ADAMTS16: variants seen among roughly 807,000 people sequenced by gnomAD.
ADAMTS16 encodes the protein ADAM metallopeptidase with thrombospondin type 1 motif 16, also known as A disintegrin and metalloproteinase with thrombospondin motifs 16.
Under a neutral mutation model 145.8 loss-of-function variants are expected in ADAMTS16, and 94 were observed. The observed-to-expected ratio is 0.64, with a 90% CI of 0.55 to 0.77. ADAMTS16 has a LOEUF of 0.77. ADAMTS16 is among the 30% of genes least tolerant of loss of function. ADAMTS16 has a pLI of 0.00. For synonymous variants in ADAMTS16, 659 were observed against 604.3 expected (o/e 1.09, Z -1.33); for missense variants, 1,585 against 1,591.5 (o/e 1.00, Z 0.07).
intron 18 of ADAMTS16, among the ~76,000 whole-genome samples, chr5:5,298,486 T>A (rs1048037547): frequency 1.5e-4 from 10 of 67,502 alleles, no homozygotes; most frequent in Non-Finnish European, 3.4e-4. Context: ...CCGAGGAGGA[T>A]GGCAAGTAAT....
At chr5:5,231,941 T>C (rs1028336867) in intron 11 of ADAMTS16, among the ~76,000 whole-genome samples, 1 of 152,078 alleles carries the variant, frequency 6.6e-6, no homozygotes, top group Non-Finnish European at 1.5e-5. Context: ...TGTTGAGCCA[T>C]GTGGAGCCTC....
At chr5:5,225,566 C>T (rs180796538) in intron 11 of ADAMTS16, among the ~76,000 whole-genome samples, 342 of 149,882 alleles carry the variant, frequency 2.3e-3, no homozygotes, top group African/African-American at 8.2e-3. Flanking sequence ...CATGCCACTG[C>T]AATCCAGCCT....
rs904855760 is a variant in ADAMTS16 at position 5,310,780 on chromosome 5, T to C, written c.3411+4052T>C. ...GCGTCCTAAACTGTGAAAGAATAAATTTCTGTTATTTTGAGCCCCTAGTTT... is the reference window on the plus strand; with the variant it reads ...GCGTCCTAAACTGTGAAAGAATAAACTTCTGTTATTTTGAGCCCCTAGTTT... On this transcript the variant is annotated intron_variant, in intron 21 of 22. Transcript: ENST00000274181. The surrounding 1 kb of genome is among the most constrained non-coding windows in gnomAD (Gnocchi z 4.3). Among the ~76,000 whole-genome samples the C allele has an allele frequency of 6.6e-6, 1 of 152,184 alleles. No individual in the cohort carries two copies. The highest frequency in any genetic ancestry group is 2.4e-5 in the African/African-American group (1 of 41,444).
At chr5:5,315,124 T>C (rs755990740) in intron 21 of ADAMTS16, among the ~76,000 whole-genome samples, 20 of 152,122 alleles carry the variant, frequency 1.3e-4, no homozygotes, top group Non-Finnish European at 2.5e-4. Flanking sequence ...AGCAAACACG[T>C]CCTTCTTCAC....
intron 20 of ADAMTS16, among the ~76,000 whole-genome samples, chr5:5,305,502 ACACACATCCCATACCACACACT>A (rs1261792040): frequency 6.8e-6 from 1 of 147,502 alleles, no homozygotes; most frequent in African/African-American, 2.5e-5. Flanking sequence ...CCCACACCAC[ACACACATCCCATACCACACACT>A]CACACATCCC....
chr5:5,196,068 A>G (rs1338061516), intron 8 of ADAMTS16, among the ~76,000 whole-genome samples: 1 of 152,014 alleles, frequency 6.6e-6, no homozygotes, highest in African/African-American at 2.4e-5. Flanking sequence ...TCTACTAAAA[A>G]TACAAAAATT....
rs150561272 is a variant in ADAMTS16 at position 5,317,065 on chromosome 5, G to A, written c.3412-1069G>A. ...CCTCAAATGGTCTGGGTGGAGGGGC[G>A]GTGCTTTCAAATGCAGAGGCAAGAG... On this transcript the variant is annotated intron_variant, in intron 21 of 22. Transcript: ENST00000274181. The surrounding 1 kb of genome is among the most constrained non-coding windows in gnomAD (Gnocchi z 4.5). Among the ~76,000 whole-genome samples the A allele has an allele frequency of 2.6e-5, 4 of 152,236 alleles. No homozygotes were observed. Among genetic ancestry groups the A allele is most frequent in the African/African-American group, 7.2e-5 (3 of 41,528 alleles).
At chr5:5,242,760 C>T (rs527815567) in intron 17 of ADAMTS16, among the ~76,000 whole-genome samples, 3 of 152,182 alleles carry the variant, frequency 2.0e-5, no homozygotes, top group Admixed American at 6.5e-5. Flanking sequence ...ATACTGTAAA[C>T]AATGGAAGCT....
chr5:5,268,116 A>G (rs1231429033), intron 18 of ADAMTS16, among the ~76,000 whole-genome samples: 1 of 152,160 alleles, frequency 6.6e-6, no homozygotes, highest in Non-Finnish European at 1.5e-5. Flanking sequence ...TCCCAAGATT[A>G]TAAGCTCTGT....
At chr5:5,177,171 C>T (rs1560935397) in intron 3 of ADAMTS16, among the ~76,000 whole-genome samples, 1 of 152,196 alleles carries the variant, frequency 6.6e-6, no homozygotes, top group Non-Finnish European at 1.5e-5. Context: ...GGACTGAGTC[C>T]TTTCTGATGG....
rs865907480 is a variant in ADAMTS16 at position 5,157,783 on chromosome 5, C to A, written c.501+11328C>A. Among the ~76,000 whole-genome samples the A allele has an allele frequency of 2.0e-5, 3 of 152,248 alleles. No individual in the cohort carries two copies. In the Middle Eastern group the frequency reaches 0.01, roughly 518 times the overall value. On this transcript the variant is annotated intron_variant, in intron 3 of 22. Transcript: ENST00000274181. ...AGAGCTTTTCCTTCAATGTGTTAAA[C>A]CCCTCTTTACGTCCACAGTTGTTGA...
chr5:5,235,315 T>A (rs1217816010), intron 13 of ADAMTS16, 129 bp downstream of exon 13: 1 of 1,012,250 alleles, frequency 9.9e-7, no homozygotes, highest in African/African-American at 1.6e-5. Context: ...GGTCGCATAT[T>A]CTCTTCTGGA....
intron 18 of ADAMTS16, among the ~76,000 whole-genome samples, chr5:5,280,068 T>A (rs1461636246): frequency 6.6e-6 from 1 of 152,126 alleles, no homozygotes; most frequent in Non-Finnish European, 1.5e-5. Context: ...TCCTCCACAA[T>A]CCTTCCAGTG....
chr5:5,232,964 G>A (rs535821551), intron 12 of ADAMTS16, among the ~76,000 whole-genome samples: 2 of 152,098 alleles, frequency 1.3e-5, no homozygotes, highest in South Asian at 4.2e-4. Context: ...AATAGGAAAG[G>A]TATTTCACTC....
intron 18 of ADAMTS16, among the ~76,000 whole-genome samples, chr5:5,296,616 A>C (rs374563874): frequency 6.6e-6 from 1 of 152,152 alleles, no homozygotes; most frequent in Non-Finnish European, 1.5e-5. Context: ...GCACAATTTC[A>C]GATTCCTGAC....
At chr5:5,140,978 T>C (rs270205) in intron 2 of ADAMTS16, among the ~76,000 whole-genome samples, 124,999 of 152,008 alleles carry the variant, frequency 0.82, 51,623 homozygotes, top group East Asian at 0.89. Flanking sequence ...GGCAAAACGG[T>C]TTGCCAGAGT....
At chr5:5,228,562 A>G (rs1736831843) in intron 11 of ADAMTS16, among the ~76,000 whole-genome samples, 1 of 152,172 alleles carries the variant, frequency 6.6e-6, no homozygotes, top group Non-Finnish European at 1.5e-5. Flanking sequence ...CTCAGTAACA[A>G]TAACCACCCT....
chr5:5,222,659 T>C (rs1736640423), intron 10 of ADAMTS16, 130 bp from the exon 11 acceptor site: 1 of 703,954 alleles, frequency 1.4e-6, no homozygotes, highest in Non-Finnish European at 2.5e-6. Context: ...TATGCTATCA[T>C]ATTGCTAAGT....
intron 20 of ADAMTS16, 36 bp downstream of exon 20, chr5:5,303,802 A>T: frequency 6.2e-7 from 1 of 1,602,444 alleles, no homozygotes; most frequent in Non-Finnish European, 8.5e-7. Flanking sequence ...GAGGTTGACT[A>T]GCTCTCCCCT....
Sources: allele counts gnomAD v4.1 joint callset (sites outside exome capture counted in the v4.1 genomes callset), GRCh38; gene constraint gnomAD v4.1.1; non-coding constraint Gnocchi (gnomAD v3.1); transcripts MANE v1.5; gene names NCBI Gene and HGNC (gene_info 2026-07-23, HGNC 2026-07-21).